Variants in SUPT3H observed in about 807,000 individuals in gnomAD.
SUPT3H encodes the protein transcription initiation protein SPT3 homolog.
In SUPT3H, 44 loss-of-function variants were observed where a neutral mutation model predicts 44.3. The ratio of observed to expected loss-of-function variants is 0.99; its 90% CI spans 0.78 to 1.28. The LOEUF is 1.28. Ranked by LOEUF, SUPT3H falls within the 50% of genes most tolerant of loss-of-function variation. The pLI is 0.00. For missense variants in SUPT3H, 380 were observed against 387.1 expected, an observed-to-expected ratio of 0.98 and a Z score of 0.15; for synonymous variants, 124 against 125.6, an observed-to-expected ratio of 0.99 and a Z score of 0.09.
At chr6:45,332,244 C>T (rs73444672) in intron 2 of SUPT3H, among the ~76,000 whole-genome samples, 22,070 of 151,390 alleles carry the variant, frequency 0.15, 2,129 homozygotes, top group African/African-American at 0.27. Flanking sequence ...CTTTCCCCCT[C>T]CCCCCGATTC....
At chr6:45,053,090 A>C (rs1790559008) in intron 3 of SUPT3H, among the ~76,000 whole-genome samples, 1 of 152,192 alleles carries the variant, frequency 6.6e-6, no homozygotes, top group Non-Finnish European at 1.5e-5. Context: ...GCTAGAGTGC[A>C]GTGGCACAAT....
Position 45,184,775 on chromosome 6 carries a change from G to GAA in SUPT3H, c.102-78771_102-78770dup, listed in dbSNP as rs55652227. Among the ~76,000 whole-genome samples, 531 of 128,418 alleles carry GAA rather than the reference G, an allele frequency of 4.1e-3. 25 individuals are homozygous for GAA. The highest frequency in any genetic ancestry group is 0.015 in the African/African-American group (494 of 33,402). 84.2% of individuals were successfully genotyped at this position (128,418 alleles called of 152,430 possible). A position where few individuals can be genotyped will look rare whatever the true frequency, so the allele number is the denominator to read the frequency against. ...GATGTAGAACCACCAACAGGCAGAG[G>GAA]AAAAAAAAAAAAAAAAAAAAAAAAA... On this transcript the variant is annotated intron_variant, in intron 2 of 10. Coordinates refer to ENST00000371459, the MANE Select transcript of SUPT3H (RefSeq NM_003599.4).
At chr6:44,849,505 G>A (rs962308245) in intron 10 of SUPT3H, among the ~76,000 whole-genome samples, 1 of 152,044 alleles carries the variant, frequency 6.6e-6, no homozygotes, top group Admixed American at 6.6e-5. Context: ...GGGATTACAG[G>A]CGTGAGCCAC....
chr6:45,115,716 T>C (rs2153576698), intron 2 of SUPT3H, among the ~76,000 whole-genome samples: 1 of 152,280 alleles, frequency 6.6e-6, no homozygotes, highest in Non-Finnish European at 1.5e-5. Context: ...GACATGATGA[T>C]GGTGGTGATA....
intron 3 of SUPT3H, among the ~76,000 whole-genome samples, chr6:45,048,809 G>T (rs546332268): frequency 6.6e-6 from 1 of 152,020 alleles, no homozygotes; most frequent in South Asian, 2.1e-4. Flanking sequence ...AATGCCACAT[G>T]ATCTCATATG....
At chr6:44,899,079 C>T (rs888528059) in intron 10 of SUPT3H, 2 of 152,008 alleles carry the variant, frequency 1.3e-5, no homozygotes, top group African/African-American at 4.8e-5. Flanking sequence ...GATGGGATGC[C>T]CAGCTTTTAC....
At chr6:44,820,144 A>G (rs1384651252) in intron 11 of SUPT3H, among the ~76,000 whole-genome samples, 1 of 152,208 alleles carries the variant, frequency 6.6e-6, no homozygotes, top group Non-Finnish European at 1.5e-5. Context: ...ATTTGAGCCC[A>G]GGAGGCAGGG....
chr6:44,967,611 A>C lies in SUPT3H; in HGVS notation c.505-5783T>G, dbSNP rs574061556. Among the ~76,000 whole-genome samples the C allele has an allele frequency of 5.3e-5, 8 of 152,334 alleles. 1 individual carries two copies. The South Asian group carries it at 1.7e-3, about 32-fold the overall frequency. On this transcript the variant is annotated intron_variant, in intron 6 of 10. Transcript: ENST00000371459. Reference sequence around the variant, plus strand: ...GATTACTTATGCAGCATGCAGTTGCATTTAAATTCCATGTGCTCTCACTGA... The same window carrying C: ...GATTACTTATGCAGCATGCAGTTGCCTTTAAATTCCATGTGCTCTCACTGA...
chr6:44,962,966 C>G lies in SUPT3H; in HGVS notation c.505-1138G>C, dbSNP rs57999007. On this transcript the variant is annotated intron_variant, in intron 6 of 10. Coordinates refer to ENST00000371459, the MANE Select transcript of SUPT3H (RefSeq NM_003599.4). The stretch of plus-strand genomic sequence containing the variant: ...CCCACACATCCACATACTCACAAAT[C>G]CAAGTCTATCTTGGTTATTTACCCA... 8.7e-3 allele frequency among the ~76,000 whole-genome samples: 1,317 copies of G among 151,960 alleles called. 22 individuals are homozygous for G. The highest frequency in any genetic ancestry group is 0.03 in the African/African-American group (1,240 of 41,466).
At chr6:44,823,518 G>A (rs1767508730), downstream of SUPT3H, among the ~76,000 whole-genome samples, 2 of 152,188 alleles carry the variant, frequency 1.3e-5, no homozygotes. Context: ...AGGCCATAGG[G>A]ACCTTCCTCT....
chr6:45,341,503 TAA>T (rs1176903856), intron 2 of SUPT3H, among the ~76,000 whole-genome samples: 38 of 152,308 alleles, frequency 2.5e-4, no homozygotes, highest in Non-Finnish European at 2.6e-4. Flanking sequence ...TATGCAAGTA[TAA>T]AGTCATAACT....
chr6:45,336,688 T>C (rs1355349826), intron 2 of SUPT3H, among the ~76,000 whole-genome samples: 1 of 151,480 alleles, frequency 6.6e-6, no homozygotes, highest in Non-Finnish European at 1.5e-5. Context: ...CTCCAAGAAA[T>C]ACTGTAACAC....
At chr6:45,066,001 C>T (rs980552416) in intron 3 of SUPT3H, among the ~76,000 whole-genome samples, 6 of 139,544 alleles carry the variant, frequency 4.3e-5, no homozygotes, top group African/African-American at 1.6e-4. Context: ...GGCAGAGACA[C>T]AACCAAAAAA....
chr6:45,314,540 T>C (rs943954662), intron 2 of SUPT3H, among the ~76,000 whole-genome samples: 3 of 152,128 alleles, frequency 2.0e-5, no homozygotes, highest in African/African-American at 4.8e-5. Flanking sequence ...CCTTTTACAA[T>C]AGCTGCAAAA....
intron 10 of SUPT3H, among the ~76,000 whole-genome samples, chr6:44,894,779 A>T (rs1763859581): frequency 6.6e-6 from 1 of 151,696 alleles, no homozygotes; most frequent in Non-Finnish European, 1.5e-5. Flanking sequence ...ATTTTGAGAA[A>T]ACGCCCTTAT....
intron 2 of SUPT3H, among the ~76,000 whole-genome samples, chr6:45,303,976 C>CAAA (rs1241434882): frequency 1.1e-5 from 1 of 92,504 alleles, no homozygotes; most frequent in Admixed American, 1.1e-4. Context: ...GACTCTGTCT[C>CAAA]AAAAAAAAAA....
chr6:45,364,908 C>T (rs1221816202), intron 2 of SUPT3H, among the ~76,000 whole-genome samples: 2 of 152,132 alleles, frequency 1.3e-5, no homozygotes, highest in African/African-American at 2.4e-5. Flanking sequence ...ATAAACAATA[C>T]ATAACACAGA....
At chr6:44,870,084 C>T (rs1028099813) in intron 10 of SUPT3H, among the ~76,000 whole-genome samples, 7 of 152,196 alleles carry the variant, frequency 4.6e-5, no homozygotes, top group Admixed American at 1.3e-4. Context: ...CAACATTTCT[C>T]TTCATTCATC....
chr6:44,818,718 C>T (rs1767072264), intron 11 of SUPT3H, among the ~76,000 whole-genome samples: 1 of 152,102 alleles, frequency 6.6e-6, no homozygotes, highest in Non-Finnish European at 1.5e-5. Flanking sequence ...CATTGGTCAT[C>T]AGGGAAATGC....
Sources: allele counts gnomAD v4.1 joint callset (sites outside exome capture counted in the v4.1 genomes callset), GRCh38; gene constraint gnomAD v4.1.1; transcripts MANE v1.5; gene names NCBI Gene and HGNC (gene_info 2026-07-23, HGNC 2026-07-21).